The following TTF2 variants were observed in gnomAD, a reference collection of about 807,000 sequenced individuals.
TTF2 encodes the protein RNA polymerase II termination factor.
In TTF2, 108 loss-of-function variants were observed where a neutral mutation model predicts 142.4. The observed-to-expected ratio is 0.76, with a 90% CI of 0.65 to 0.89. The LOEUF is 0.89. Ranked by LOEUF, TTF2 falls within the 40% of genes least tolerant of loss-of-function variation. TTF2 has a pLI of 0.00. For synonymous variants in TTF2, 483 were observed against 506.2 expected, an observed-to-expected ratio of 0.95 and a Z score of 0.61; for missense variants, 1,327 against 1,379.8, an observed-to-expected ratio of 0.96 and a Z score of 0.61.
rs999204332 is a variant in TTF2 at position 117,073,412 on chromosome 1, C to T, written c.219-249C>T. Among the ~76,000 whole-genome samples, 1 of 152,138 alleles carries T rather than the reference C, an allele frequency of 6.6e-6. No individual in the cohort carries two copies. The highest frequency in any genetic ancestry group is 2.4e-5 in the African/African-American group (1 of 41,432). The stretch of plus-strand genomic sequence containing the variant: ...TTCTATTTCAGTCATTCGTTACAGA[C>T]TAAAAAGAATAAACCTGTGTGCATT... On this transcript the variant is annotated intron_variant, in intron 3 of 22. Coordinates refer to ENST00000369466, the MANE Select transcript of TTF2 (RefSeq NM_003594.4). The surrounding 1 kb of genome is among the most constrained non-coding windows in gnomAD (Gnocchi z 4.4).
rs149623565 is a variant in TTF2, at chr1:117,106,302, C to T, written c.*4778C>T. On this transcript the variant is annotated 3_prime_UTR_variant, in exon 23 of 23. Transcript: ENST00000369466. ...AAAAAAAAAAGCAAACCCAGCCTAA[C>T]TCCCAGGGAGGGAAGAGGGGCGACA... 3 of 149,810 alleles carry T rather than the reference C, an allele frequency of 2.0e-5. No homozygotes were observed. The highest frequency in any genetic ancestry group is 4.4e-5 in the Non-Finnish European group (3 of 67,594). The allele number at this position is 149,810 out of a possible 1,614,324, so 9.3% of individuals were successfully genotyped here.
At position 117,063,089 on chromosome 1, in the gene TTF2, G is replaced by T. The variant is rs1339136922; in HGVS notation, c.218+616G>T. Among the ~76,000 whole-genome samples, 1 of 152,088 alleles carries T rather than the reference G, an allele frequency of 6.6e-6. No individual in the cohort carries two copies. The highest frequency in any genetic ancestry group is 1.9e-4 in the East Asian group (1 of 5,200). On this transcript the variant is annotated intron_variant, in intron 3 of 22. Transcript: ENST00000369466. The surrounding 1 kb of genome is among the most constrained non-coding windows in gnomAD (Gnocchi z 4.1). ...ACAGAGACTTTAGGCGATAAGGCTG[G>T]CCAGGAAGGTAGGGGTCAGGATGTG...
At chr1:117,066,695 C>CTT (rs530588185) in intron 3 of TTF2, among the ~76,000 whole-genome samples, 2 of 115,030 alleles carry the variant, frequency 1.7e-5, no homozygotes, top group African/African-American at 3.2e-5. Flanking sequence ...CTAATCATGT[C>CTT]TTTTTTTTTT....
intron 2 of TTF2, among the ~76,000 whole-genome samples, chr1:117,061,070 A>G (rs1343954367): frequency 6.6e-6 from 1 of 152,228 alleles, no homozygotes; most frequent in Non-Finnish European, 1.5e-5. Context: ...GGTGAAATTG[A>G]TAATTCAAAG....
At chr1:117,077,854 C>G (rs1241886540) in intron 7 of TTF2, 62 bp from the exon 8 acceptor site, 12 of 1,601,696 alleles carry the variant, frequency 7.5e-6, no homozygotes, top group Non-Finnish European at 1.0e-5. Flanking sequence ...GCTAAGTTCA[C>G]TCTAAAGGGA....
At chr1:117,069,372 C>A (rs1014901513) in intron 3 of TTF2, among the ~76,000 whole-genome samples, 6 of 152,148 alleles carry the variant, frequency 3.9e-5, no homozygotes, top group South Asian at 2.1e-4. Context: ...AGGAAGGTTA[C>A]AGAGAAAGTA....
chr1:117,078,012 C>CA lies in TTF2; in HGVS notation c.1670_1671insA (p.Val558GlyfsTer40). The CA allele has an allele frequency of 6.2e-7, 1 of 1,614,050 alleles. No homozygotes were observed. Among genetic ancestry groups the CA allele is most frequent in the Non-Finnish European group, 8.5e-7 (1 of 1,180,000 alleles). ...TCACTTGAGTCATGTCCTGGTGAGA[C>CA]GGTTGTGGCAGAAGATCCCGCCGGG... is the stretch of plus-strand genomic sequence containing the variant. On this transcript the variant is annotated frameshift_variant, in exon 8 of 23. Transcript: ENST00000369466. LOFTEE classifies it high-confidence loss of function.
chr1:117,098,671 G>C (rs1570888810), intron 21 of TTF2, 162 bp from the exon 22 acceptor site: 2 of 590,974 alleles, frequency 3.4e-6, no homozygotes, highest in East Asian at 5.7e-5. Context: ...TGATGTGTGT[G>C]TTTTGTTTTG....
rs977299076 is a variant in TTF2 at position 117,092,330 on chromosome 1, G to A, written c.2805+380G>A. ...GCTTTCAGGCAGTTTTGGGGTTTTG[G>A]GTTCCAGTTATAAAAACTCAGATAG... On this transcript the variant is annotated intron_variant, in intron 17 of 22. Transcript: ENST00000369466. This position sits in a 1 kb window ranked among gnomAD's most constrained non-coding sequence, Gnocchi z 4.4. Among the ~76,000 whole-genome samples, 1 of 152,066 alleles carries A rather than the reference G, an allele frequency of 6.6e-6. No homozygotes were observed. Among genetic ancestry groups the A allele is most frequent in the Non-Finnish European group, 1.5e-5 (1 of 68,016 alleles).
At chr1:117,077,797 A>G in intron 7 of TTF2, 119 bp from the exon 8 acceptor site, 1 of 1,353,618 alleles carries the variant, frequency 7.4e-7, no homozygotes, top group Non-Finnish European at 1.0e-6. Context: ...AAAGTTGAGG[A>G]GAGTAGTTAA....
rs890708463 is a variant in TTF2 at position 117,063,317 on chromosome 1, T to C, written c.218+844T>C. 1.3e-5 allele frequency among the ~76,000 whole-genome samples: 2 copies of C among 152,208 alleles called. No homozygotes were observed. The highest frequency in any genetic ancestry group is 6.5e-5 in the Admixed American group (1 of 15,284). ...CAACCAGTTGAGTTTTGAGAATGCA[T>C]GTACCTGCTCATAAAACCAAGATCC... On this transcript the variant is annotated intron_variant, in intron 3 of 22. Transcript: ENST00000369466. This position sits in a 1 kb window ranked among gnomAD's most constrained non-coding sequence, Gnocchi z 4.1.
rs1656899773 is a variant in TTF2 at position 117,075,299 on chromosome 1, A to C, written c.715A>C (p.Lys239Gln). ...LTRPSASSQE[K>Q]SSGKSQDVQR... ...AAGACCATCTGCATCTTCTCAGGAGAAATCAAGTGGTAAGAGTCAAGATGT... is the reference window on the plus strand; with the variant it reads ...AAGACCATCTGCATCTTCTCAGGAGCAATCAAGTGGTAAGAGTCAAGATGT... The change falls in exon 5 of 23, where the codon AAA becomes CAA. Residue 239 changes from lysine to glutamine, a missense_variant. Transcript: ENST00000369466. The surrounding 1 kb of genome is among the most constrained non-coding windows in gnomAD (Gnocchi z 4.5). 3 of 1,614,192 alleles carry C rather than the reference A, an allele frequency of 1.9e-6. No homozygotes were observed. In the East Asian group the frequency reaches 6.7e-5, roughly 36 times the overall value.
In TTF2 at chr1:117,097,366, C is replaced by T; in HGVS notation, c.3202C>T (p.Leu1068Phe). Reference sequence around the variant, plus strand: ...CCTTTTGAAGGTAATGCTAATCTCTCTCTTGGCCGGAGGTGTTGGTCTAAA... The same window carrying T: ...CCTTTTGAAGGTAATGCTAATCTCTTTCTTGGCCGGAGGTGTTGGTCTAAA... ...SRGPQVMLIS[L>F]LAGGVGLNLT... The change falls in exon 21 of 23, where the codon CTC (leucine) becomes TTC (phenylalanine). Residue 1068 changes from leucine (L) to phenylalanine (F), a missense_variant. Physicochemically the swap from Leu to Phe is conservative, Grantham distance 22. Coordinates refer to ENST00000369466, the MANE Select transcript of TTF2 (RefSeq NM_003594.4). The surrounding 1 kb of genome is among the most constrained non-coding windows in gnomAD (Gnocchi z 4.1). 6.2e-7 allele frequency: 1 copy of T among 1,614,130 alleles called. No homozygotes were observed. Among genetic ancestry groups the T allele is most frequent in the Non-Finnish European group, 8.5e-7 (1 of 1,180,008 alleles).
intron 20 of TTF2, 114 bp downstream of exon 20, chr1:117,096,413 TG>T: frequency 7.3e-7 from 1 of 1,371,844 alleles, no homozygotes; most frequent in Non-Finnish European, 9.9e-7. Context: ...GTTTTGCTCT[TG>T]TTGCCCAGGC....
At chr1:117,088,103 C>T (rs1198223274) in intron 12 of TTF2, among the ~76,000 whole-genome samples, 1 of 152,138 alleles carries the variant, frequency 6.6e-6, no homozygotes, top group African/African-American at 2.4e-5. Flanking sequence ...TAGCATCTCA[C>T]ATCTAAAAGT....
At chr1:117,067,717 G>A (rs1281423300) in intron 3 of TTF2, among the ~76,000 whole-genome samples, 2 of 152,160 alleles carry the variant, frequency 1.3e-5, no homozygotes, top group Non-Finnish European at 2.9e-5. Context: ...CATTAAGGGT[G>A]TTCAGCCAGA....
At chr1:117,088,256 G>A (rs934139890) in intron 12 of TTF2, among the ~76,000 whole-genome samples, 11 of 152,120 alleles carry the variant, frequency 7.2e-5, no homozygotes, top group African/African-American at 2.7e-4. Flanking sequence ...AAGAAAAGTC[G>A]GCTGGGCGCG....
chr1:117,071,465 A>G (rs981957723), intron 3 of TTF2, among the ~76,000 whole-genome samples: 2 of 152,168 alleles, frequency 1.3e-5, no homozygotes, highest in Admixed American at 1.3e-4. Context: ...GAAAGAATGT[A>G]TATTGACTTG....
chr1:117,094,164 C>T (rs192804313), intron 18 of TTF2, among the ~76,000 whole-genome samples: 7 of 152,294 alleles, frequency 4.6e-5, no homozygotes, highest in Non-Finnish European at 8.8e-5. Context: ...GGAAAGCAGC[C>T]CCATGTGGTG....
Sources: allele counts gnomAD v4.1 joint callset (sites outside exome capture counted in the v4.1 genomes callset), GRCh38; gene constraint gnomAD v4.1.1; non-coding constraint Gnocchi (gnomAD v3.1); transcripts MANE v1.5; gene names NCBI Gene and HGNC (gene_info 2026-07-23, HGNC 2026-07-21).